GPHN: variants seen among roughly 807,000 people sequenced by gnomAD.
GPHN encodes the protein gephyrin.
A neutral mutation model predicts 95.5 loss-of-function variants in GPHN; 17 were observed. The ratio of observed to expected loss-of-function variants is 0.18; its 90% confidence interval spans 0.12 to 0.27. GPHN has a LOEUF of 0.27. Among genes scored for constraint, GPHN ranks in the 10% least tolerant of loss-of-function variants. The pLI is 1.00. For synonymous variants in GPHN, 320 were observed against 322.5 expected, an observed-to-expected ratio of 0.99 and a Z score of 0.08; for missense variants, 660 against 978.1, an observed-to-expected ratio of 0.67 and a Z score of 4.34.
At chr14:67,611,385 C>T in the GPHN span, among the ~76,000 whole-genome samples, 3 of 152,008 alleles carry the variant, frequency 2.0e-5, no homozygotes, top group Admixed American at 6.6e-5. Flanking sequence ...CTCAGCCTCC[C>T]GAGTAGTTGG....
intron 1 of GPHN, among the ~76,000 whole-genome samples, chr14:66,634,613 C>T (rs1286475256): frequency 6.6e-6 from 1 of 151,904 alleles, no homozygotes; most frequent in African/African-American, 2.4e-5. Flanking sequence ...ATCCCTGGGC[C>T]GGGCTACACA....
chr14:67,542,004 C>T, the GPHN span: 2 of 1,597,274 alleles, frequency 1.3e-6, no homozygotes, highest in South Asian at 1.1e-5. Context: ...GTGAGTCCCT[C>T]AGAGCAGGGA....
At position 67,170,316 on chromosome 14, in the gene GPHN, T is replaced by G. The variant is rs548821090; in HGVS notation, c.2079+1280T>G. On this transcript the variant is annotated intron_variant, in intron 21 of 22. Transcript: ENST00000478722. ...ATTTGAAATTAAGTGGAAAAAGAAA[T>G]AAAAACCATCCATGAACAAAAAGTA... Among the ~76,000 whole-genome samples the G allele has an allele frequency of 8.6e-5, 13 of 152,006 alleles. No individual in the cohort carries two copies. The South Asian group carries it at 2.7e-3, about 32-fold the overall frequency.
At chr14:67,130,353 A>G (rs1233969453) in intron 17 of GPHN, among the ~76,000 whole-genome samples, 3 of 152,136 alleles carry the variant, frequency 2.0e-5, no homozygotes, top group Non-Finnish European at 4.4e-5. Context: ...CCCACTTACA[A>G]GTAAGAACAT....
At chr14:67,264,244 G>A in the GPHN span, among the ~76,000 whole-genome samples, 1 of 152,124 alleles carries the variant, frequency 6.6e-6, no homozygotes, top group South Asian at 2.1e-4. Context: ...GATGACAGTG[G>A]TATTTAAATT....
intron 3 of GPHN, among the ~76,000 whole-genome samples, chr14:66,803,278 C>T (rs907460565): frequency 2.0e-5 from 3 of 152,184 alleles, no homozygotes; most frequent in African/African-American, 7.2e-5. Flanking sequence ...CTGTCTGCAC[C>T]ACACCTCCAC....
intron 9 of GPHN, among the ~76,000 whole-genome samples, chr14:66,986,325 A>G (rs2071027885): frequency 6.6e-6 from 1 of 152,050 alleles, no homozygotes; most frequent in Non-Finnish European, 1.5e-5. Flanking sequence ...CCTCTGTTTT[A>G]TTTTTTAAAT....
the GPHN span, among the ~76,000 whole-genome samples, chr14:67,321,482 T>G: frequency 6.6e-6 from 1 of 152,220 alleles, no homozygotes; most frequent in Non-Finnish European, 1.5e-5. Flanking sequence ...TGACTATCTC[T>G]TATTCAAAAT....
At chr14:67,090,814 G>C (rs1307031626) in intron 12 of GPHN, among the ~76,000 whole-genome samples, 1 of 151,924 alleles carries the variant, frequency 6.6e-6, no homozygotes, top group African/African-American at 2.4e-5. Flanking sequence ...ACTTTGAGCA[G>C]CTCACTTAAA....
the GPHN span, chr14:67,446,100 G>T: frequency 2.0e-6 from 1 of 509,296 alleles, no homozygotes; most frequent in Non-Finnish European, 3.9e-6. Flanking sequence ...ATGGGAGGCA[G>T]ATCCTCTGGG....
intron 2 of GPHN, among the ~76,000 whole-genome samples, chr14:66,775,299 G>A (rs2059341595): frequency 6.6e-6 from 1 of 152,070 alleles, no homozygotes; most frequent in Non-Finnish European, 1.5e-5. Flanking sequence ...ACTTATAAGT[G>A]CAGATAAGTA....
rs931923272 is a variant in GPHN at position 66,587,902 on chromosome 14, C to T, written c.64+79311C>T. ...TCGAGCTCTGCTAAGGGATGGACTG[C>T]CTCCTCAAGTGGGTCCCTGACCCTC... On this transcript the variant is annotated intron_variant, in intron 1 of 22. Transcript: ENST00000478722. 2.6e-5 allele frequency among the ~76,000 whole-genome samples: 4 copies of T among 152,306 alleles called. No individual in the cohort carries two copies. The South Asian group carries it at 8.3e-4, about 32-fold the overall frequency.
the GPHN span, among the ~76,000 whole-genome samples, chr14:67,460,022 T>A: frequency 1.3e-5 from 2 of 152,216 alleles, no homozygotes; most frequent in Non-Finnish European, 2.9e-5. Context: ...AAAGCAAGTA[T>A]GTTGTCTATT....
intron 2 of GPHN, among the ~76,000 whole-genome samples, chr14:66,696,370 G>A (rs1309581167): frequency 6.6e-6 from 1 of 152,162 alleles, no homozygotes; most frequent in Non-Finnish European, 1.5e-5. Flanking sequence ...CTGGAAAGAT[G>A]GAGTAAATGT....
At chr14:66,615,513 GT>G (rs2062972418) in intron 1 of GPHN, among the ~76,000 whole-genome samples, 1 of 142,954 alleles carries the variant, frequency 7.0e-6, no homozygotes, top group Admixed American at 7.1e-5. Context: ...CCATGTAAAT[GT>G]CTTCTTTTGA....
At chr14:66,853,202 T>A (rs2062666608) in intron 4 of GPHN, among the ~76,000 whole-genome samples, 2 of 152,218 alleles carry the variant, frequency 1.3e-5, no homozygotes, top group South Asian at 4.1e-4. Flanking sequence ...TAAAGAGTAA[T>A]CTTTATACTA....
chr14:67,611,743 A>C, the GPHN span, among the ~76,000 whole-genome samples: 2 of 152,256 alleles, frequency 1.3e-5, no homozygotes, highest in African/African-American at 4.8e-5. Context: ...AGCAGGAACC[A>C]GTTTCATGGA....
chr14:67,571,350 TAGTC>T, the GPHN span: 1 of 181,218 alleles, frequency 5.5e-6, no homozygotes, highest in Non-Finnish European at 1.2e-5. Flanking sequence ...AACACTGAGA[TAGTC>T]AGTCACTTTA....
chr14:67,233,576 T>G, the GPHN span, among the ~76,000 whole-genome samples: 1 of 152,236 alleles, frequency 6.6e-6, no homozygotes, highest in African/African-American at 2.4e-5. Context: ...ATATCTGATC[T>G]GTAATTTCCA....
Sources: allele counts gnomAD v4.1 joint callset (sites outside exome capture counted in the v4.1 genomes callset), GRCh38; gene constraint gnomAD v4.1.1; transcripts MANE v1.5; gene names NCBI Gene and HGNC (gene_info 2026-07-23, HGNC 2026-07-21).